Variants in SP4 observed in about 807,000 individuals in gnomAD.
SP4 encodes Sp4 transcription factor, also known as transcription factor Sp4.
A neutral mutation model predicts 72.8 loss-of-function variants in SP4; 19 were observed. The ratio of observed to expected loss-of-function variants is 0.26; its 90% CI spans 0.18 to 0.38. The LOEUF (loss-of-function observed/expected upper bound fraction) is 0.38. Among genes scored for constraint, SP4 ranks in the 10% least tolerant of loss-of-function variants. The pLI, the probability that SP4 is intolerant of heterozygous loss-of-function variation, is 1.00. For synonymous variants in SP4, 395 were observed against 333.1 expected, an observed-to-expected ratio of 1.19 and a Z score of -2.02; for missense variants, 1,008 against 926.3, an observed-to-expected ratio of 1.09 and a Z score of -1.14.
chr7:21,479,265 T>G (rs74828162), intron 4 of SP4, among the ~76,000 whole-genome samples: 2 of 99,592 alleles, frequency 2.0e-5, no homozygotes, highest in South Asian at 3.6e-4. Context: ...TTCCTAGTTG[T>G]TTTTTTTTTT....
intron 3 of SP4, among the ~76,000 whole-genome samples, chr7:21,473,265 T>C (rs535183907): frequency 6.6e-6 from 1 of 152,248 alleles, no homozygotes; most frequent in Non-Finnish European, 1.5e-5. Flanking sequence ...CTGGATGTAA[T>C]GAGTAAAGAA....
At chr7:21,460,102 A>G (rs920868245) in intron 3 of SP4, among the ~76,000 whole-genome samples, 4 of 152,180 alleles carry the variant, frequency 2.6e-5, no homozygotes, top group Non-Finnish European at 5.9e-5. Flanking sequence ...AGAAAAGGAG[A>G]GCCCTAACAG....
chr7:21,476,762 C>A (rs1038039418), intron 3 of SP4, among the ~76,000 whole-genome samples: 1 of 152,034 alleles, frequency 6.6e-6, no homozygotes, highest in Admixed American at 6.5e-5. Flanking sequence ...TCTCATGTAT[C>A]CTCATAGTAT....
chr7:21,482,546 C>T (rs1784715167), intron 5 of SP4: 13 of 475,604 alleles, frequency 2.7e-5, no homozygotes, highest in Non-Finnish European at 3.6e-5. Context: ...TAATAAACAT[C>T]TAACAACCCT....
chr7:21,446,074 T>G (rs1783419030), intron 3 of SP4, among the ~76,000 whole-genome samples: 1 of 150,872 alleles, frequency 6.6e-6, no homozygotes, highest in South Asian at 2.1e-4. Context: ...GTGTGTGTGG[T>G]GTGTGCATAC....
chr7:21,430,841 C>G lies in SP4; in HGVS notation c.1676C>G (p.Ala559Gly). ...QGVPVTITSVAGQQQGQDGVK... is the reference protein window; with the variant it reads ...QGVPVTITSVGGQQQGQDGVK... ...GTTCCCGTTACAATCACTAGTGTTG[C>G]AGGTAAGTTCTGACATCTTTTTAAG... is the stretch of plus-strand genomic sequence containing the variant. Residue 559 changes from alanine to glycine, a missense_variant and splice_region_variant, in exon 3 of 6, where the codon GCA becomes GGA. Transcript: ENST00000222584. 2.5e-6 allele frequency: 4 copies of G among 1,601,940 alleles called. No homozygotes were observed. The highest frequency in any genetic ancestry group is 3.4e-6 in the Non-Finnish European group (4 of 1,171,802).
chr7:21,438,399 T>C (rs10216269), intron 3 of SP4, among the ~76,000 whole-genome samples: 3,138 of 152,316 alleles, frequency 0.021, 118 homozygotes, highest in African/African-American at 0.071. Flanking sequence ...ATTTACCATT[T>C]TTTTTCATAG....
chr7:21,492,624 A>G (rs1419418723), intron 5 of SP4, among the ~76,000 whole-genome samples: 2 of 152,264 alleles, frequency 1.3e-5, no homozygotes, highest in African/African-American at 4.8e-5. Flanking sequence ...CATGAAAAAC[A>G]GACAATTTAA....
chr7:21,436,316 A>AAAG (rs1440857299), intron 3 of SP4, among the ~76,000 whole-genome samples: 1 of 152,224 alleles, frequency 6.6e-6, no homozygotes, highest in Non-Finnish European at 1.5e-5. Flanking sequence ...GGCAGGCATG[A>AAAG]AAGCACTCAC....
At chr7:21,488,212 C>T (rs185175377) in intron 5 of SP4, among the ~76,000 whole-genome samples, 65 of 152,194 alleles carry the variant, frequency 4.3e-4, no homozygotes, top group African/African-American at 1.5e-3. Flanking sequence ...CTGTGTTACA[C>T]TGGAAGATGC....
intron 5 of SP4, among the ~76,000 whole-genome samples, chr7:21,502,051 C>CT (rs1554301443): frequency 1.2e-5 from 1 of 81,862 alleles, no homozygotes. Flanking sequence ...CCCCCCCCCC[C>CT]CCGGAACTCC....
intron 5 of SP4, among the ~76,000 whole-genome samples, chr7:21,486,078 A>G (rs1176191151): frequency 6.6e-6 from 1 of 151,888 alleles, no homozygotes; most frequent in Non-Finnish European, 1.5e-5. Context: ...TGTTTGGCTA[A>G]TACAGTATTC....
At chr7:21,429,260 C>T (rs199562548) in intron 2 of SP4, 29 bp from the exon 3 acceptor site, 3 of 1,209,210 alleles carry the variant, frequency 2.5e-6, no homozygotes, top group African/African-American at 1.6e-5. Flanking sequence ...TTCCCCCCCC[C>T]CTCTCCTTTA....
intron 3 of SP4, among the ~76,000 whole-genome samples, chr7:21,437,570 G>A (rs1268163861): frequency 6.6e-6 from 1 of 152,118 alleles, no homozygotes; most frequent in African/African-American, 2.4e-5. Flanking sequence ...GACAAAGCTG[G>A]GAGGTGGTGC....
chr7:21,490,645 T>G (rs1473996069), intron 5 of SP4, among the ~76,000 whole-genome samples: 2 of 152,156 alleles, frequency 1.3e-5, no homozygotes, highest in African/African-American at 4.8e-5. Flanking sequence ...TTGAGAGCGA[T>G]ATAAAAGATG....
intron 3 of SP4, among the ~76,000 whole-genome samples, chr7:21,431,831 A>G (rs1455529035): frequency 6.6e-6 from 1 of 152,212 alleles, no homozygotes; most frequent in Non-Finnish European, 1.5e-5. Context: ...TATTTTGATA[A>G]TGTGGGATAA....
intron 3 of SP4, among the ~76,000 whole-genome samples, chr7:21,457,791 A>G (rs1341689989): frequency 6.6e-6 from 1 of 151,706 alleles, no homozygotes; most frequent in Non-Finnish European, 1.5e-5. Flanking sequence ...GTGTGTATGC[A>G]TGTGTGTGTT....
At position 21,512,700 on chromosome 7, in the gene SP4, T is replaced by C. The variant is rs1015704268; in HGVS notation, c.*1431T>C. On this transcript the variant is annotated 3_prime_UTR_variant, in exon 6 of 6. Coordinates refer to ENST00000222584, the MANE Select transcript of SP4 (RefSeq NM_003112.5). ...TCTTAGCCTCCTGAGTAGCTGGGAT[T>C]AACAGGCGCCTGCCACCATGCCTGG... 1 of 152,142 alleles carries C rather than the reference T, an allele frequency of 6.6e-6. No homozygotes were observed. The allele number at this position is 152,142 out of a possible 1,614,324, so 9.4% of individuals were successfully genotyped here. A position where few individuals can be genotyped will look rare whatever the true frequency, so the allele number is the denominator to read the frequency against.
At chr7:21,504,297 T>C (rs988994860) in intron 5 of SP4, among the ~76,000 whole-genome samples, 22 of 152,222 alleles carry the variant, frequency 1.4e-4, no homozygotes, top group Non-Finnish European at 8.8e-5. Flanking sequence ...GACCCTGCTC[T>C]GTCCAGATTT....
Sources: allele counts gnomAD v4.1 joint callset (sites outside exome capture counted in the v4.1 genomes callset), GRCh38; gene constraint gnomAD v4.1.1; transcripts MANE v1.5; gene names NCBI Gene and HGNC (gene_info 2026-07-23, HGNC 2026-07-21).